ABLIM3: variants seen among roughly 807,000 people sequenced by gnomAD.
ABLIM3 encodes actin binding LIM protein family member 3.
In ABLIM3, 61 loss-of-function variants were observed where a neutral mutation model predicts 109.5. The observed-to-expected ratio is 0.56, with a 90% CI of 0.45 to 0.69. The LOEUF is 0.69. ABLIM3 is among the 30% of genes least tolerant of loss of function. ABLIM3 has a pLI of 0.00. For synonymous variants in ABLIM3, 300 were observed against 324.8 expected, an observed-to-expected ratio of 0.92 and a Z score of 0.82; for missense variants, 796 against 889.5, an observed-to-expected ratio of 0.89 and a Z score of 1.34.
chr5:149,254,029 A>G (rs1326558191), intron 23 of ABLIM3, among the ~76,000 whole-genome samples: 1 of 152,204 alleles, frequency 6.6e-6, no homozygotes, highest in African/African-American at 2.4e-5. Context: ...CGCCCTTTAT[A>G]AAACCATCAG....
intron 7 of ABLIM3, 22 bp downstream of exon 7, chr5:149,210,841 T>G (rs1303194308): frequency 6.2e-6 from 10 of 1,607,318 alleles, no homozygotes; most frequent in Non-Finnish European, 7.7e-6. Context: ...TAAGTAACCG[T>G]GAAGATGTGG....
chr5:149,212,572 C>T (rs1025849481), intron 7 of ABLIM3, among the ~76,000 whole-genome samples: 3 of 152,170 alleles, frequency 2.0e-5, no homozygotes, highest in Admixed American at 6.5e-5. Flanking sequence ...AGAGGGAAGC[C>T]ACCCTTGTGC....
intron 19 of ABLIM3, 105 bp from the exon 20 acceptor site, chr5:149,250,342 C>A: frequency 1.7e-6 from 2 of 1,174,632 alleles, no homozygotes; most frequent in Non-Finnish European, 2.5e-6. Flanking sequence ...TCCACCCCTT[C>A]CTGCTAGGTT....
chr5:149,233,174 C>T (rs2127549241), intron 9 of ABLIM3, 55 bp from the exon 10 acceptor site: 1 of 1,541,566 alleles, frequency 6.5e-7, no homozygotes, highest in Non-Finnish European at 9.0e-7. Context: ...TCTCACCCTC[C>T]CCACCAAGCT....
intron 2 of ABLIM3, among the ~76,000 whole-genome samples, chr5:149,156,889 T>A (rs1753904311): frequency 6.6e-6 from 1 of 152,144 alleles, no homozygotes; most frequent in Non-Finnish European, 1.5e-5. Flanking sequence ...AGGTGAAGGG[T>A]GATTTGGCCC....
At chr5:149,181,029 A>T (rs567676415) in intron 2 of ABLIM3, among the ~76,000 whole-genome samples, 1 of 152,332 alleles carries the variant, frequency 6.6e-6, no homozygotes, top group East Asian at 1.9e-4. Flanking sequence ...AGTTTGTGCA[A>T]TGATCCTGGA....
chr5:149,223,887 T>C (rs1760909802), intron 8 of ABLIM3, among the ~76,000 whole-genome samples: 2 of 152,254 alleles, frequency 1.3e-5, no homozygotes, highest in African/African-American at 4.8e-5. Flanking sequence ...GTTGTGAAGA[T>C]TAAATGAACT....
At chr5:149,228,440 G>A (rs893163691) in intron 8 of ABLIM3, among the ~76,000 whole-genome samples, 8 of 152,162 alleles carry the variant, frequency 5.3e-5, no homozygotes, top group Admixed American at 1.3e-4. Flanking sequence ...GGTCCAATGA[G>A]TCATTCACAT....
At chr5:149,179,470 T>C (rs1227036570) in intron 2 of ABLIM3, among the ~76,000 whole-genome samples, 2 of 152,230 alleles carry the variant, frequency 1.3e-5, no homozygotes, top group Non-Finnish European at 2.9e-5. Flanking sequence ...TCATGATCTT[T>C]TGTTTCCAGA....
At chr5:149,201,998 C>T (rs1454781767) in intron 5 of ABLIM3, among the ~76,000 whole-genome samples, 1 of 152,204 alleles carries the variant, frequency 6.6e-6, no homozygotes, top group East Asian at 1.9e-4. Context: ...AGGGATCAAA[C>T]TAAGATACAT....
rs1163755005 is a variant in ABLIM3, at chr5:149,217,060, A to G, written c.757+14A>G. The G allele has an allele frequency of 6.2e-7, 1 of 1,612,784 alleles. No individual in the cohort carries two copies. On this transcript the variant is annotated intron_variant, in intron 8 of 23. Transcript: ENST00000309868. ...TGTACCTCACAGGTAAGTAAATCTG[A>G]CCCTCTGTAAGGCCTTCCGACCTGC...
chr5:149,247,731 A>C, intron 17 of ABLIM3, 51 bp from the exon 18 acceptor site: 4 of 1,612,908 alleles, frequency 2.5e-6, no homozygotes, highest in Non-Finnish European at 8.5e-7. Context: ...GTTCCATCTC[A>C]GTGTCCTTTG....
In ABLIM3 at chr5:149,171,974, G is replaced by A. The variant is rs183558247; in HGVS notation, c.14-11478G>A. 4.8e-4 allele frequency among the ~76,000 whole-genome samples: 70 copies of A among 146,468 alleles called. No individual in the cohort carries two copies. In the East Asian group the frequency reaches 0.012, roughly 26 times the overall value. Reference sequence around the variant, plus strand: ...ACTAGAGCAGCCACTAGACACATGCGGATACTGAGTACTTGAAATTGGCTA... The same window carrying A: ...ACTAGAGCAGCCACTAGACACATGCAGATACTGAGTACTTGAAATTGGCTA... On this transcript the variant is annotated intron_variant, in intron 2 of 23. Coordinates refer to ENST00000309868, the MANE Select transcript of ABLIM3 (RefSeq NM_014945.5).
At chr5:149,152,411 T>C (rs1409755206) in intron 2 of ABLIM3, among the ~76,000 whole-genome samples, 1 of 152,234 alleles carries the variant, frequency 6.6e-6, no homozygotes, top group Non-Finnish European at 1.5e-5. Context: ...AACATTGCCA[T>C]GATATTAATG....
chr5:149,206,493 TAAACACAG>T (rs1758987701), intron 5 of ABLIM3, among the ~76,000 whole-genome samples: 1 of 152,206 alleles, frequency 6.6e-6, no homozygotes, highest in South Asian at 2.1e-4. Context: ...CCACAAAATA[TAAACACAG>T]CCCTTGCCAA....
At chr5:149,166,059 A>G (rs1754790791) in intron 2 of ABLIM3, among the ~76,000 whole-genome samples, 1 of 152,200 alleles carries the variant, frequency 6.6e-6, no homozygotes, top group Admixed American at 6.5e-5. Flanking sequence ...GTTGGCTCAC[A>G]TAGTATTCTT....
intron 2 of ABLIM3, among the ~76,000 whole-genome samples, chr5:149,146,398 A>G (rs1752929389): frequency 6.6e-6 from 1 of 152,226 alleles, no homozygotes; most frequent in Non-Finnish European, 1.5e-5. Context: ...CAAAGCCAAT[A>G]TCCAGAATGG....
intron 4 of ABLIM3, among the ~76,000 whole-genome samples, chr5:149,199,751 G>A (rs1758323528): frequency 6.6e-6 from 1 of 152,214 alleles, no homozygotes; most frequent in African/African-American, 2.4e-5. Flanking sequence ...AGGCGTGGTG[G>A]TGCCAGGGAT....
At chr5:149,257,942 C>T (rs1336139986) in intron 23 of ABLIM3, among the ~76,000 whole-genome samples, 1 of 152,130 alleles carries the variant, frequency 6.6e-6, no homozygotes, top group Non-Finnish European at 1.5e-5. Context: ...TGAATCCACA[C>T]ACACTTCTGG....
Sources: allele counts gnomAD v4.1 joint callset (sites outside exome capture counted in the v4.1 genomes callset), GRCh38; gene constraint gnomAD v4.1.1; transcripts MANE v1.5; gene names NCBI Gene and HGNC (gene_info 2026-07-23, HGNC 2026-07-21).